CYP2J2: variants seen among roughly 807,000 people sequenced by gnomAD.
The protein encoded by CYP2J2 is cytochrome P450 2J2.
Under a neutral mutation model 48.8 loss-of-function variants are expected in CYP2J2, and 41 were observed. The observed-to-expected ratio is 0.84, with a 90% CI of 0.66 to 1.09. The LOEUF is 1.09. Among genes scored for constraint, CYP2J2 ranks in the 50% least tolerant of loss-of-function variants. CYP2J2 has a pLI of 0.00. For missense variants in CYP2J2, 644 were observed against 617.3 expected (o/e 1.04, Z -0.46); for synonymous variants, 221 against 227.1 (o/e 0.97, Z 0.24).
At chr1:59,908,204 A>C (rs1257986560) in intron 5 of CYP2J2, among the ~76,000 whole-genome samples, 4 of 152,178 alleles carry the variant, frequency 2.6e-5, no homozygotes, top group Admixed American at 6.5e-5. Flanking sequence ...CAGTGAAAGG[A>C]GAATGGGATG....
At position 59,926,680 on chromosome 1, in the gene CYP2J2, G is replaced by A. The variant is rs770076500; in HGVS notation, c.67C>T (p.Leu23=). 2.5e-6 allele frequency: 4 copies of A among 1,614,068 alleles called. No homozygotes were observed. The highest frequency in any genetic ancestry group is 3.3e-5 in the Admixed American group (2 of 60,008). Residue 23 remains leucine, a synonymous_variant, in exon 1 of 9, where the codon CTG becomes TTG. Transcript: ENST00000371204. ...WAVVHPRTLL[L]GTVAFLLAAD... ...GCGAGCAGAAAGGCGACAGTGCCCA[G>A]TAGGAGAGTCCGAGGATGGACCACT...
At chr1:59,939,769 T>G in the CYP2J2 span, among the ~76,000 whole-genome samples, 15 of 152,328 alleles carry the variant, frequency 9.8e-5, no homozygotes, top group African/African-American at 3.6e-4. Flanking sequence ...GCACTGCACC[T>G]GGGCTGGAAC....
chr1:59,905,873 G>C (rs190067171), intron 6 of CYP2J2, among the ~76,000 whole-genome samples: 26 of 152,270 alleles, frequency 1.7e-4, no homozygotes, highest in South Asian at 6.2e-4. Flanking sequence ...TAGAGTAATA[G>C]AGATTTTAGC....
At chr1:59,926,241 CAT>C (rs2102143499) in intron 1 of CYP2J2, among the ~76,000 whole-genome samples, 1 of 152,184 alleles carries the variant, frequency 6.6e-6, no homozygotes, top group Admixed American at 6.5e-5. Context: ...TAAGGACAAT[CAT>C]ATAAAAGAGG....
At chr1:59,907,278 A>G (rs1452014085) in intron 6 of CYP2J2, among the ~76,000 whole-genome samples, 3 of 152,176 alleles carry the variant, frequency 2.0e-5, no homozygotes, top group Non-Finnish European at 4.4e-5. Flanking sequence ...AGGGAAAAGC[A>G]TCTATCACGA....
the CYP2J2 span, among the ~76,000 whole-genome samples, chr1:59,954,740 T>C: frequency 8.5e-5 from 13 of 152,140 alleles, no homozygotes; most frequent in Admixed American, 7.9e-4. Context: ...AGATTCTCAT[T>C]ATGAAGGAGG....
intron 1 of CYP2J2, among the ~76,000 whole-genome samples, chr1:59,924,585 A>G (rs1470193743): frequency 1.3e-5 from 2 of 152,172 alleles, no homozygotes; most frequent in Admixed American, 1.3e-4. Flanking sequence ...AAATTTTTAC[A>G]CTAATAGACT....
chr1:59,968,075 G>T, the CYP2J2 span, among the ~76,000 whole-genome samples: 3 of 151,988 alleles, frequency 2.0e-5, no homozygotes, highest in Non-Finnish European at 2.9e-5. Flanking sequence ...TTGTGCACGG[G>T]GATCTCCAGC....
chr1:59,902,673 C>T (rs1559073031), intron 7 of CYP2J2, among the ~76,000 whole-genome samples: 1 of 152,120 alleles, frequency 6.6e-6, no homozygotes, highest in African/African-American at 2.4e-5. Context: ...CCTCAGCCTC[C>T]CAAAGTGCTG....
chr1:59,914,027 G>T (rs1644442636), intron 2 of CYP2J2, among the ~76,000 whole-genome samples: 1 of 151,896 alleles, frequency 6.6e-6, no homozygotes. Context: ...TCATTTCAGG[G>T]GCTTTTCATT....
At chr1:59,916,888 A>C (rs976846026) in intron 1 of CYP2J2, among the ~76,000 whole-genome samples, 1 of 152,134 alleles carries the variant, frequency 6.6e-6, no homozygotes, top group East Asian at 1.9e-4. Flanking sequence ...CTGGTGTACC[A>C]AGTATGGACT....
At chr1:59,940,934 C>T in the CYP2J2 span, among the ~76,000 whole-genome samples, 3,588 of 152,042 alleles carry the variant, frequency 0.024, 50 homozygotes, top group Non-Finnish European at 0.033. Flanking sequence ...AAAAAGTTGA[C>T]GTTATGGAAG....
At chr1:59,912,333 TTACAG>T in intron 2 of CYP2J2, 22 bp from the exon 3 acceptor site, 1 of 1,606,554 alleles carries the variant, frequency 6.2e-7, no homozygotes, top group Non-Finnish European at 8.5e-7. Flanking sequence ...AAAGTCAACA[TTACAG>T]TATTCTGATT....
At chr1:59,914,779 T>A (rs1644449675) in intron 2 of CYP2J2, among the ~76,000 whole-genome samples, 1 of 152,190 alleles carries the variant, frequency 6.6e-6, no homozygotes, top group South Asian at 2.1e-4. Flanking sequence ...ACCCCCAGCC[T>A]GACACCCGTG....
At chr1:59,922,797 G>GGACA (rs1349528251) in intron 1 of CYP2J2, among the ~76,000 whole-genome samples, 8 of 152,190 alleles carry the variant, frequency 5.3e-5, no homozygotes, top group African/African-American at 1.9e-4. Context: ...AAACCCAACA[G>GGACA]GACAGAAACC....
the CYP2J2 span, among the ~76,000 whole-genome samples, chr1:59,939,093 A>G: frequency 3.9e-5 from 6 of 152,238 alleles, no homozygotes; most frequent in African/African-American, 1.4e-4. Flanking sequence ...GTACAGGTCA[A>G]AATGGAATTT....
chr1:59,955,279 CATATATATATATCCATAT>C, the CYP2J2 span, among the ~76,000 whole-genome samples: 5 of 103,972 alleles, frequency 4.8e-5, no homozygotes, highest in African/African-American at 1.4e-4. Flanking sequence ...TATATATATC[CATATATATATATCCATAT>C]ATATATATCC....
chr1:59,909,562 G>T (rs1644393606), intron 5 of CYP2J2, among the ~76,000 whole-genome samples: 1 of 152,152 alleles, frequency 6.6e-6, no homozygotes, highest in Admixed American at 6.5e-5. Context: ...AATAGAAACA[G>T]ATTCTCCTCC....
chr1:59,933,287 A>G, the CYP2J2 span, among the ~76,000 whole-genome samples: 632 of 152,340 alleles, frequency 4.1e-3, 7 homozygotes, highest in African/African-American at 0.015. Flanking sequence ...CTCAATTAAA[A>G]TGACACAAGG....
Sources: gnomAD v4.1 joint callset for allele counts (sites outside exome capture counted in the v4.1 genomes callset) on GRCh38, gnomAD v4.1.1 for gene constraint, MANE v1.5 for transcripts, NCBI Gene and HGNC (gene_info 2026-07-23, HGNC 2026-07-21) for gene names.